The following ANKIB1 variants were observed in gnomAD, a reference collection of about 807,000 sequenced individuals.
ANKIB1 encodes ankyrin repeat and IBR domain-containing protein 1.
ANKIB1 carries 43 observed loss-of-function variants against 122.1 expected under a neutral mutation model. The observed-to-expected ratio is 0.35, with a 90% CI of 0.28 to 0.45. The LOEUF is 0.45. ANKIB1 is among the 20% of genes least tolerant of loss of function. The probability of loss-of-function intolerance (pLI) is 1.00; values close to 1 mark genes in which losing one functional copy is unlikely to be tolerated. For synonymous variants in ANKIB1, 390 were observed against 442.0 expected (o/e 0.88, Z 1.48); for missense variants, 992 against 1,329.5 (o/e 0.75, Z 3.95).
chr7:92,284,645 T>C (rs889747364), intron 1 of ANKIB1, among the ~76,000 whole-genome samples: 1 of 152,208 alleles, frequency 6.6e-6, no homozygotes, highest in Non-Finnish European at 1.5e-5. Flanking sequence ...ATTTGTTCCT[T>C]CTTTTACCTT....
intron 11 of ANKIB1, among the ~76,000 whole-genome samples, chr7:92,380,571 A>G (rs1181318823): frequency 1.3e-5 from 2 of 152,202 alleles, no homozygotes; most frequent in Admixed American, 6.5e-5. Flanking sequence ...CTGTTCTGCA[A>G]TATTTGCTGT....
At chr7:92,378,703 A>G (rs1342763210) in intron 11 of ANKIB1, among the ~76,000 whole-genome samples, 1 of 152,194 alleles carries the variant, frequency 6.6e-6, no homozygotes, top group East Asian at 1.9e-4. Context: ...ACATAATTAG[A>G]CAACAGAAAG....
chr7:92,321,873 A>G (rs543514218), intron 4 of ANKIB1, among the ~76,000 whole-genome samples: 2 of 152,326 alleles, frequency 1.3e-5, no homozygotes, highest in Non-Finnish European at 2.9e-5. Context: ...ACACATAGAA[A>G]GACAGAAGGC....
At chr7:92,397,447 C>T (rs566385685) in intron 18 of ANKIB1, among the ~76,000 whole-genome samples, 2 of 150,566 alleles carry the variant, frequency 1.3e-5, no homozygotes, top group African/African-American at 4.9e-5. Flanking sequence ...GATTGCGCCA[C>T]TGCACTCCAG....
intron 11 of ANKIB1, among the ~76,000 whole-genome samples, chr7:92,383,385 A>G (rs1804562546): frequency 6.6e-6 from 1 of 152,216 alleles, no homozygotes; most frequent in Admixed American, 6.5e-5. Flanking sequence ...TCCCTAACTC[A>G]TTTTATGAGG....
At chr7:92,396,334 T>C (rs1804888445) in intron 17 of ANKIB1, 31 bp from the exon 18 acceptor site, 1 of 1,197,682 alleles carries the variant, frequency 8.3e-7, no homozygotes, top group Non-Finnish European at 1.2e-6. Flanking sequence ...TTGCATGCTC[T>C]CTTGTATTTT....
At chr7:92,329,551 T>A (rs1803114283) in intron 5 of ANKIB1, among the ~76,000 whole-genome samples, 1 of 152,212 alleles carries the variant, frequency 6.6e-6, no homozygotes, top group Non-Finnish European at 1.5e-5. Flanking sequence ...AAAGATTATG[T>A]CTACATTCTG....
At chr7:92,363,133 G>A (rs937092343) in intron 10 of ANKIB1, among the ~76,000 whole-genome samples, 5 of 152,086 alleles carry the variant, frequency 3.3e-5, no homozygotes, top group African/African-American at 4.8e-5. Context: ...TATAGGGGCC[G>A]GGCGCAGGGG....
chr7:92,314,391 A>G (rs1802751094), intron 3 of ANKIB1, among the ~76,000 whole-genome samples: 1 of 152,188 alleles, frequency 6.6e-6, no homozygotes, highest in Admixed American at 6.5e-5. Flanking sequence ...TGTACAATAG[A>G]TTTGAATGGG....
At chr7:92,337,021 A>C (rs939965866) in intron 5 of ANKIB1, among the ~76,000 whole-genome samples, 1 of 152,198 alleles carries the variant, frequency 6.6e-6, no homozygotes, top group African/African-American at 2.4e-5. Flanking sequence ...TATCATTTGT[A>C]AATAATGATA....
At chr7:92,389,870 T>G in intron 14 of ANKIB1, 101 bp from the exon 15 acceptor site, 1 of 1,246,984 alleles carries the variant, frequency 8.0e-7, no homozygotes, top group East Asian at 2.6e-5. Context: ...GTCCTAATGA[T>G]CCTTCTTTTT....
Position 92,297,490 on chromosome 7 carries a change from G to A in ANKIB1, c.188+2324G>A, listed in dbSNP as rs1456282031. ...TTGCTAATGTTTATTATTTCTCACC[G>A]CTATAATCCTTAATATCTTTAAATC... On this transcript the variant is annotated intron_variant, in intron 2 of 19. Coordinates refer to ENST00000265742, the MANE Select transcript of ANKIB1 (RefSeq NM_019004.2). Among the ~76,000 whole-genome samples, 5 of 152,026 alleles carry A rather than the reference G, an allele frequency of 3.3e-5. No homozygotes were observed. The East Asian group carries it at 7.7e-4, about 23-fold the overall frequency.
At chr7:92,323,210 T>G (rs1440217370) in intron 4 of ANKIB1, among the ~76,000 whole-genome samples, 2 of 152,188 alleles carry the variant, frequency 1.3e-5, no homozygotes, top group Non-Finnish European at 2.9e-5. Context: ...CCGGAAAGAT[T>G]ATATTGATTT....
At chr7:92,297,962 C>G (rs1420272076) in intron 2 of ANKIB1, among the ~76,000 whole-genome samples, 1 of 152,134 alleles carries the variant, frequency 6.6e-6, no homozygotes, top group African/African-American at 2.4e-5. Context: ...TTTCTGGATT[C>G]TCAAATGGCT....
At chr7:92,326,636 A>G (rs1192897070) in intron 4 of ANKIB1, among the ~76,000 whole-genome samples, 1 of 152,182 alleles carries the variant, frequency 6.6e-6, no homozygotes, top group East Asian at 1.9e-4. Context: ...TTTAACCATT[A>G]AAGAGTTTAT....
At chr7:92,304,093 C>T (rs1400355230) in intron 2 of ANKIB1, among the ~76,000 whole-genome samples, 2 of 151,588 alleles carry the variant, frequency 1.3e-5, no homozygotes, top group Admixed American at 6.6e-5. Flanking sequence ...CCCATAACTA[C>T]TAACATAGTT....
At position 92,307,661 on chromosome 7, in the gene ANKIB1, ATT is replaced by A. The variant is rs59479934; in HGVS notation, c.486+18_486+19del. 323 of 1,184,456 alleles carry A rather than the reference ATT, an allele frequency of 2.7e-4. No individual in the cohort carries two copies. The highest frequency in any genetic ancestry group is 1.0e-3 in the South Asian group (56 of 56,138). The allele number at this position is 1,184,456 out of a possible 1,614,324, so 73.4% of individuals were successfully genotyped here. A position where few individuals can be genotyped will look rare whatever the true frequency, so the allele number is the denominator to read the frequency against. The stretch of plus-strand genomic sequence containing the variant: ...GGGATGAAAGCCTGTGTAGAGGTAA[ATT>A]TTTTTTTTTTTTAATATTCTGCATT... On this transcript the variant is annotated splice_donor_region_variant and intron_variant, in intron 3 of 19. Transcript: ENST00000265742.
At chr7:92,246,588 A>G in intron 1 of ANKIB1, 69 bp downstream of exon 1, 1 of 492,934 alleles carries the variant, frequency 2.0e-6, no homozygotes, top group South Asian at 1.5e-5. Flanking sequence ...CCGAGTTCAG[A>G]GCTACCTACT....
intron 16 of ANKIB1, among the ~76,000 whole-genome samples, 167 bp downstream of exon 16, chr7:92,391,511 A>G (rs905823926): frequency 1.8e-4 from 28 of 151,524 alleles, no homozygotes; most frequent in African/African-American, 6.8e-4. Context: ...TTTTTCCTCC[A>G]TGCTATTTCT....
Sources: allele counts gnomAD v4.1 joint callset (sites outside exome capture counted in the v4.1 genomes callset), GRCh38; gene constraint gnomAD v4.1.1; transcripts MANE v1.5; gene names NCBI Gene and HGNC (gene_info 2026-07-23, HGNC 2026-07-21).